The following MAL2 variants were observed in gnomAD, a reference collection of about 807,000 sequenced individuals.
The protein encoded by MAL2 is protein MAL2.
A neutral mutation model predicts 18.1 loss-of-function variants in MAL2; 17 were observed. The ratio of observed to expected loss-of-function variants is 0.94; its 90% CI spans 0.64 to 1.41. The LOEUF (loss-of-function observed/expected upper bound fraction) is 1.41. Ranked by LOEUF, MAL2 falls within the 40% of genes most tolerant of loss-of-function variation. The pLI, the probability that MAL2 is intolerant of heterozygous loss-of-function variation, is 0.00. For synonymous variants in MAL2, 102 were observed against 102.3 expected (o/e 1.00, Z 0.02); for missense variants, 222 against 231.9 (o/e 0.96, Z 0.28).
intron 2 of MAL2, among the ~76,000 whole-genome samples, chr8:119,226,744 G>A (rs946396604): frequency 6.6e-6 from 1 of 152,208 alleles, no homozygotes; most frequent in Non-Finnish European, 1.5e-5. Flanking sequence ...AAGAGCAGCA[G>A]CATCTGGAAA....
intron 2 of MAL2, among the ~76,000 whole-genome samples, chr8:119,238,186 A>G (rs1391010499): frequency 6.6e-6 from 1 of 152,224 alleles, no homozygotes; most frequent in African/African-American, 2.4e-5. Flanking sequence ...CCCATTCACA[A>G]TTGCTTCAAA....
chr8:119,220,048 T>A (rs1817438258), intron 1 of MAL2, among the ~76,000 whole-genome samples: 1 of 152,108 alleles, frequency 6.6e-6, no homozygotes, highest in Non-Finnish European at 1.5e-5. Context: ...GTGAGGGGCA[T>A]AGTGGCAAGA....
chr8:119,236,458 C>G (rs1259673902), intron 2 of MAL2, among the ~76,000 whole-genome samples: 1 of 151,484 alleles, frequency 6.6e-6, no homozygotes, highest in Non-Finnish European at 1.5e-5. Flanking sequence ...TAGACACCTA[C>G]AGAACTCTCC....
chr8:119,241,028 AT>A (rs1818037121), intron 3 of MAL2, among the ~76,000 whole-genome samples: 3 of 152,328 alleles, frequency 2.0e-5, no homozygotes, highest in Admixed American at 2.0e-4. Flanking sequence ...ATATTGTGAT[AT>A]TTAATATAAG....
At chr8:119,229,623 T>A (rs1467889780) in intron 2 of MAL2, among the ~76,000 whole-genome samples, 1 of 152,178 alleles carries the variant, frequency 6.6e-6, no homozygotes, top group African/African-American at 2.4e-5. Flanking sequence ...TGGGCCACTT[T>A]TCTTTCTGAG....
At chr8:119,226,637 GA>G (rs1817601945) in intron 2 of MAL2, among the ~76,000 whole-genome samples, 2 of 32,904 alleles carry the variant, frequency 6.1e-5, no homozygotes, top group East Asian at 1.5e-3. Context: ...AGGCAATTAA[GA>G]AAGTGAAGGC....
At chr8:119,218,135 C>G (rs1427791865) in intron 1 of MAL2, among the ~76,000 whole-genome samples, 6 of 152,130 alleles carry the variant, frequency 3.9e-5, no homozygotes, top group African/African-American at 1.4e-4. Flanking sequence ...CTGGCCCATC[C>G]TCTCTCTTCC....
chr8:119,239,679 C>G (rs902861471), intron 2 of MAL2, among the ~76,000 whole-genome samples: 4 of 151,488 alleles, frequency 2.6e-5, no homozygotes, highest in Admixed American at 2.6e-4. Flanking sequence ...AACAAAAAAC[C>G]AAACACCACA....
chr8:119,211,236 G>T (rs889619973), intron 1 of MAL2, among the ~76,000 whole-genome samples: 1 of 152,192 alleles, frequency 6.6e-6, no homozygotes, highest in African/African-American at 2.4e-5. Flanking sequence ...GTAAATGTGA[G>T]AATTTCCCAG....
intron 1 of MAL2, chr8:119,221,344 T>A: frequency 2.3e-6 from 1 of 436,414 alleles, no homozygotes; most frequent in Non-Finnish European, 4.1e-6. Flanking sequence ...AAGAAGCGAG[T>A]CCAACCTGAA....
chr8:119,223,494 T>A (rs1272356814), intron 2 of MAL2: 1 of 152,238 alleles, frequency 6.6e-6, no homozygotes, highest in Non-Finnish European at 1.5e-5. Flanking sequence ...TAGCATTATA[T>A]CTGATGTTCA....
chr8:119,226,623 ATGAAGGCAATTAAGAAAG>A (rs56389423), intron 2 of MAL2, among the ~76,000 whole-genome samples: 85,803 of 151,426 alleles, frequency 0.57, 25,983 homozygotes, highest in Non-Finnish European at 0.68. Context: ...GCAAGAGCAC[ATGAAGGCAATTAAGAAAG>A]TGAAGGCAAT....
intron 1 of MAL2, among the ~76,000 whole-genome samples, chr8:119,218,380 A>G (rs1201335805): frequency 6.6e-6 from 1 of 152,114 alleles, no homozygotes. Flanking sequence ...CGGTTAGTCT[A>G]TACTATTTTA....
chr8:119,239,015 A>G (rs565321357), intron 2 of MAL2, among the ~76,000 whole-genome samples: 1,574 of 150,126 alleles, frequency 0.01, 25 homozygotes, highest in African/African-American at 0.037. Flanking sequence ...GAAAATTTTC[A>G]CAACCTACTC....
chr8:119,218,691 T>C (rs1817405313), intron 1 of MAL2, among the ~76,000 whole-genome samples: 1 of 152,196 alleles, frequency 6.6e-6, no homozygotes, highest in Non-Finnish European at 1.5e-5. Flanking sequence ...GCTGGCCTGT[T>C]TGAGGTCCAG....
At chr8:119,234,736 G>T (rs1185975380) in intron 2 of MAL2, among the ~76,000 whole-genome samples, 1 of 151,700 alleles carries the variant, frequency 6.6e-6, no homozygotes, top group Non-Finnish European at 1.5e-5. Flanking sequence ...CAACAGACCT[G>T]CAGCTGAGGG....
At chr8:119,234,811 A>G (rs1817839175) in intron 2 of MAL2, among the ~76,000 whole-genome samples, 1 of 151,730 alleles carries the variant, frequency 6.6e-6, no homozygotes, top group Admixed American at 6.6e-5. Context: ...CCATCTGTAC[A>G]TCACCATCAT....
chr8:119,237,041 G>A (rs201908989), intron 2 of MAL2, among the ~76,000 whole-genome samples: 29,072 of 151,644 alleles, frequency 0.19, 3,034 homozygotes, highest in South Asian at 0.34. Flanking sequence ...TTGATAGACC[G>A]CTAGCAAGAC....
chr8:119,236,690 C>T (rs1355486301), intron 2 of MAL2, among the ~76,000 whole-genome samples: 1 of 150,960 alleles, frequency 6.6e-6, no homozygotes, highest in Admixed American at 6.6e-5. Context: ...TCCTGAATGA[C>T]TACTGGGTAC....
Sources: gnomAD v4.1 joint callset for allele counts (sites outside exome capture counted in the v4.1 genomes callset) on GRCh38, gnomAD v4.1.1 for gene constraint, MANE v1.5 for transcripts, NCBI Gene and HGNC (gene_info 2026-07-23, HGNC 2026-07-21) for gene names.